The following RIGI variants were observed in gnomAD, a reference collection of about 807,000 sequenced individuals.
RIGI encodes the protein antiviral innate immune response receptor RIG-I.
the RIGI span, among the ~76,000 whole-genome samples, chr9:32,515,327 A>AT: frequency 1.9e-5 from 2 of 103,312 alleles, no homozygotes; most frequent in Non-Finnish European, 4.9e-5. Flanking sequence ...CAAAAAAAAA[A>AT]AAAAAAAGCC....
the RIGI span, among the ~76,000 whole-genome samples, chr9:32,490,467 T>C: frequency 8.8e-4 from 133 of 151,720 alleles, no homozygotes; most frequent in Non-Finnish European, 8.4e-4. Flanking sequence ...GTTTTTTTTT[T>C]CCAAGGGGTA....
At chr9:32,480,144 G>T in the RIGI span, 1 of 1,498,364 alleles carries the variant, frequency 6.7e-7, no homozygotes, top group Non-Finnish European at 9.1e-7. Flanking sequence ...TATATTAAAT[G>T]CAATACATGT....
chr9:32,457,535 G>A, the RIGI span: 1 of 872,022 alleles, frequency 1.1e-6, no homozygotes, highest in Non-Finnish European at 1.7e-6. Flanking sequence ...GAACAGGTGG[G>A]TCTCACTTAT....
chr9:32,457,061 G>A, the RIGI span: 8 of 1,327,072 alleles, frequency 6.0e-6, no homozygotes, highest in Non-Finnish European at 8.5e-6. Context: ...TACCCACTAT[G>A]TTTGTTTCTT....
the RIGI span, among the ~76,000 whole-genome samples, chr9:32,520,425 A>G: frequency 6.6e-6 from 1 of 152,200 alleles, no homozygotes; most frequent in African/African-American, 2.4e-5. Context: ...ATTATTTAGT[A>G]ATTCAAAGGC....
chr9:32,503,159 C>A, the RIGI span, among the ~76,000 whole-genome samples: 2 of 152,050 alleles, frequency 1.3e-5, no homozygotes, highest in Non-Finnish European at 2.9e-5. Flanking sequence ...CCAGGCCTCC[C>A]TGCTGCTTGA....
At chr9:32,456,483 G>A in the RIGI span, 2 of 152,178 alleles carry the variant, frequency 1.3e-5, no homozygotes, top group South Asian at 2.1e-4. Flanking sequence ...ATACCTGTAT[G>A]TATGTATATT....
At chr9:32,512,630 G>A in the RIGI span, among the ~76,000 whole-genome samples, 9 of 152,216 alleles carry the variant, frequency 5.9e-5, no homozygotes, top group Admixed American at 1.3e-4. Flanking sequence ...ATGGGCAAAA[G>A]TTGGAAGCAT....
At chr9:32,504,997 A>G in the RIGI span, among the ~76,000 whole-genome samples, 6 of 123,802 alleles carry the variant, frequency 4.8e-5, no homozygotes, top group Admixed American at 2.6e-4. Flanking sequence ...TATTTTATAT[A>G]TAATATATAT....
At chr9:32,489,469 C>A in the RIGI span, 1 of 1,520,874 alleles carries the variant, frequency 6.6e-7, no homozygotes, top group African/African-American at 1.4e-5. Flanking sequence ...ACAAAAGGAG[C>A]AAAATTACCA....
At chr9:32,473,575 G>T in the RIGI span, among the ~76,000 whole-genome samples, 1 of 151,908 alleles carries the variant, frequency 6.6e-6, no homozygotes, top group South Asian at 2.1e-4. Flanking sequence ...ATGAGCCACC[G>T]CACCTGGCCA....
chr9:32,456,877 A>G, the RIGI span: 2 of 440,048 alleles, frequency 4.5e-6, no homozygotes, highest in Non-Finnish European at 4.0e-6. Flanking sequence ...CTCTAAAAAG[A>G]AGGCTAGAAA....
chr9:32,489,212 T>C, the RIGI span: 1 of 600,492 alleles, frequency 1.7e-6, no homozygotes, highest in Non-Finnish European at 2.9e-6. Flanking sequence ...TAGGATTATA[T>C]TAGGACAGTT....
chr9:32,511,004 T>A, the RIGI span, among the ~76,000 whole-genome samples: 1 of 151,900 alleles, frequency 6.6e-6, no homozygotes, highest in Non-Finnish European at 1.5e-5. Flanking sequence ...GGGCATTATA[T>A]AATAGTAAAG....
the RIGI span, chr9:32,493,880 C>G: frequency 6.2e-7 from 1 of 1,609,752 alleles, no homozygotes; most frequent in Non-Finnish European, 8.5e-7. Flanking sequence ...AATCTATACT[C>G]CTCCAACTTT....
At chr9:32,466,174 A>G in the RIGI span, 1 of 1,061,936 alleles carries the variant, frequency 9.4e-7, no homozygotes, top group Non-Finnish European at 1.4e-6. Context: ...CACTAAGTAT[A>G]AACTTTTTGT....
At chr9:32,500,755 AAGCAGC>A in the RIGI span, 6 of 1,585,566 alleles carry the variant, frequency 3.8e-6, no homozygotes, top group Non-Finnish European at 5.1e-6. Context: ...CAGTATTGTC[AAGCAGC>A]AAAGTAATAT....
At chr9:32,523,119 C>T in the RIGI span, among the ~76,000 whole-genome samples, 7,523 of 152,188 alleles carry the variant, frequency 0.049, 467 homozygotes, top group African/African-American at 0.14. Flanking sequence ...CTAATTTCAA[C>T]GGGTCAGGGA....
the RIGI span, among the ~76,000 whole-genome samples, chr9:32,509,310 C>A: frequency 6.6e-6 from 1 of 152,196 alleles, no homozygotes; most frequent in African/African-American, 2.4e-5. Context: ...GGTGGGGAGA[C>A]ACCTCCTACC....
Sources: gnomAD v4.1 joint callset for allele counts (sites outside exome capture counted in the v4.1 genomes callset) on GRCh38, gnomAD v4.1.1 for gene constraint, MANE v1.5 for transcripts, NCBI Gene and HGNC (gene_info 2026-07-23, HGNC 2026-07-21) for gene names.